SLC37A1: variants seen among roughly 807,000 people sequenced by gnomAD.
The protein encoded by SLC37A1 is glucose-6-phosphate exchanger SLC37A1.
SLC37A1 carries 49 observed loss-of-function variants against 75.3 expected under a neutral mutation model. That is an observed-to-expected ratio of 0.65 (90% CI 0.52 to 0.83). SLC37A1 has a LOEUF of 0.83. Among genes scored for constraint, SLC37A1 ranks in the 40% least tolerant of loss-of-function variants. SLC37A1 has a pLI of 0.00. For missense variants in SLC37A1, 566 were observed against 695.0 expected, an observed-to-expected ratio of 0.81 and a Z score of 2.09; for synonymous variants, 268 against 292.1, an observed-to-expected ratio of 0.92 and a Z score of 0.84.
At chr21:42,522,227 G>A (rs1479957975) in intron 2 of SLC37A1, among the ~76,000 whole-genome samples, 1 of 152,206 alleles carries the variant, frequency 6.6e-6, no homozygotes, top group African/African-American at 2.4e-5. Context: ...CTGAGGTTTT[G>A]GGTGGACATG....
chr21:42,509,871 A>G (rs890678193), upstream of SLC37A1, among the ~76,000 whole-genome samples: 1 of 152,148 alleles, frequency 6.6e-6, no homozygotes. The surrounding 1 kb of genome is among the most constrained non-coding windows in gnomAD (Gnocchi z 4.2). Flanking sequence ...CTTTCTAAGC[A>G]TGAGGTATTT....
Position 42,514,666 on chromosome 21 carries a change from C to G in SLC37A1, c.-230C>G, listed in dbSNP as rs2054487440. ...GCCGGAAAGTCCCCTCGCCGCTGGC[C>G]ACCAGCCTTCCAGCCCTTACGGCCC... On this transcript the variant is annotated 5_prime_UTR_variant, in exon 1 of 20. Transcript: ENST00000352133. This position sits in a 1 kb window ranked among gnomAD's most constrained non-coding sequence, Gnocchi z 4.8. 1 of 152,380 alleles carries G rather than the reference C, an allele frequency of 6.6e-6. No homozygotes were observed. Among genetic ancestry groups the G allele is most frequent in the Non-Finnish European group, 1.5e-5 (1 of 68,154 alleles). The allele number at this position is 152,380 out of a possible 1,614,324, so 9.4% of individuals were successfully genotyped here.
At position 42,552,502 on chromosome 21, in the gene SLC37A1, A is replaced by C. The variant is rs566394915; in HGVS notation, c.769-1560A>C. The stretch of plus-strand genomic sequence containing the variant: ...TTCCCCTGTGCATGGCTTCATGCCA[A>C]AGGTGATATATTCCAACCAATTAGA... On this transcript the variant is annotated intron_variant, in intron 9 of 19. Transcript: ENST00000352133. This position sits in a 1 kb window ranked among gnomAD's most constrained non-coding sequence, Gnocchi z 4.2. 2.0e-5 allele frequency among the ~76,000 whole-genome samples: 3 copies of C among 152,194 alleles called. No homozygotes were observed. Among genetic ancestry groups the C allele is most frequent in the Admixed American group, 1.3e-4 (2 of 15,282 alleles).
exon 1 of SLC37A1, chr21:42,499,641 CGCGCA>C (rs2054322902): frequency 6.6e-6 from 1 of 152,238 alleles, no homozygotes; most frequent in Non-Finnish European, 1.5e-5. Flanking sequence ...GTGGGAAGTT[CGCGCA>C]AGTGCGGCTC....
At chr21:42,524,743 T>C (rs1476237163) in intron 2 of SLC37A1, among the ~76,000 whole-genome samples, 1 of 152,196 alleles carries the variant, frequency 6.6e-6, no homozygotes, top group Admixed American at 6.5e-5. Flanking sequence ...TTTAAATAGA[T>C]GAATGCTTTT....
At chr21:42,576,223 G>A (rs1045780205) in intron 18 of SLC37A1, among the ~76,000 whole-genome samples, 3 of 152,042 alleles carry the variant, frequency 2.0e-5, no homozygotes, top group African/African-American at 7.3e-5. Flanking sequence ...CATGCTTGCA[G>A]TGAAAGAGTA....
At position 42,525,806 on chromosome 21, in the gene SLC37A1, T is replaced by G; in HGVS notation, c.87T>G (p.Phe29Leu). Reference sequence around the variant, plus strand: ...GAGCCTTCATTTTTATTTTGACATTTCTGCTGTATGCAAGTTTTCACTTAT... The same window carrying G: ...GAGCCTTCATTTTTATTTTGACATTGCTGCTGTATGCAAGTTTTCACTTAT... ...WYRAFIFILTFLLYASFHLSR... is the reference protein window; with the variant it reads ...WYRAFIFILTLLLYASFHLSR... The change falls in exon 3 of 20, where the codon TTT (phenylalanine) becomes TTG (leucine). Residue 29 changes from phenylalanine to leucine, a missense_variant. Transcript: ENST00000352133. 6.2e-7 allele frequency: 1 copy of G among 1,614,188 alleles called. No homozygotes were observed. The highest frequency in any genetic ancestry group is 8.5e-7 in the Non-Finnish European group (1 of 1,180,014).
intron 10 of SLC37A1, among the ~76,000 whole-genome samples, chr21:42,557,558 C>A (rs1311769603): frequency 6.6e-6 from 1 of 152,258 alleles, no homozygotes. Context: ...ATGTGAATAT[C>A]TTCATCAGAG....
chr21:42,545,435 C>T lies in SLC37A1; in HGVS notation c.731-1668C>T, dbSNP rs2055383744. On this transcript the variant is annotated intron_variant, in intron 8 of 19. Transcript: ENST00000352133. The surrounding 1 kb of genome is among the most constrained non-coding windows in gnomAD (Gnocchi z 4.0). ...CCCCTCCTTGTCCCGAATCACTGAT[C>T]CTGGGCAGGTACTAAAGGCATCAGA... 1.3e-5 allele frequency among the ~76,000 whole-genome samples: 2 copies of T among 152,178 alleles called. No individual in the cohort carries two copies. The highest frequency in any genetic ancestry group is 2.9e-5 in the Non-Finnish European group (2 of 68,018).
intron 18 of SLC37A1, chr21:42,575,518 A>G: frequency 7.1e-6 from 7 of 985,326 alleles, no homozygotes; most frequent in Non-Finnish European, 8.4e-6. Flanking sequence ...TCCTGTGTTG[A>G]GAAAGTTTGA....
intron 3 of SLC37A1, among the ~76,000 whole-genome samples, chr21:42,529,825 A>G (rs1329971898): frequency 6.6e-6 from 1 of 151,814 alleles, no homozygotes; most frequent in Admixed American, 6.6e-5. Context: ...CCAGGGCAGT[A>G]AGCGCTATTC....
intron 1 of SLC37A1, among the ~76,000 whole-genome samples, chr21:42,515,183 A>G (rs1242887062): frequency 6.6e-6 from 1 of 152,046 alleles, no homozygotes; most frequent in Non-Finnish European, 1.5e-5. Context: ...GATAGTGACC[A>G]TTTTCATTCA....
At chr21:42,502,559 T>C (rs2054349733) in intron 2 of SLC37A1, 1 of 152,236 alleles carries the variant, frequency 6.6e-6, no homozygotes, top group African/African-American at 2.4e-5. Flanking sequence ...TGATAACCCT[T>C]GTTAATTATT....
intron 3 of SLC37A1, among the ~76,000 whole-genome samples, chr21:42,532,021 T>G (rs978104697): frequency 1.3e-5 from 2 of 152,156 alleles, no homozygotes; most frequent in African/African-American, 4.8e-5. Flanking sequence ...ATGGTCCATC[T>G]TTATAGTAAT....
intron 18 of SLC37A1, among the ~76,000 whole-genome samples, chr21:42,577,579 G>A (rs564992174): frequency 3.9e-5 from 6 of 152,344 alleles, no homozygotes; most frequent in East Asian, 1.9e-4. Flanking sequence ...GCAATAGAAT[G>A]TGTAACCTTC....
chr21:42,507,023 C>T (rs537365036), intron 2 of SLC37A1, among the ~76,000 whole-genome samples: 14 of 152,268 alleles, frequency 9.2e-5, no homozygotes, highest in Admixed American at 8.5e-4. Flanking sequence ...GCTGGGATTA[C>T]AGGCACATGC....
rs1336693004 is a variant in SLC37A1 at position 42,550,471 on chromosome 21, C to G, written c.768+3331C>G. Among the ~76,000 whole-genome samples the G allele has an allele frequency of 3.9e-5, 6 of 152,290 alleles. No homozygotes were observed. In the East Asian group the frequency reaches 1.2e-3, roughly 29 times the overall value. ...AAATTGTTAATTTAAAAACTTCACT[C>G]AAAGAAAATCCCAGGACCAGATGGC... On this transcript the variant is annotated intron_variant, in intron 9 of 19. Transcript: ENST00000352133.
chr21:42,578,064 C>CT (rs2056344241), intron 18 of SLC37A1, among the ~76,000 whole-genome samples: 1 of 152,206 alleles, frequency 6.6e-6, no homozygotes, highest in Non-Finnish European at 1.5e-5. Context: ...GATCAACATG[C>CT]TTTTTGGTAT....
chr21:42,500,260 C>G (rs1016126593), intron 1 of SLC37A1, among the ~76,000 whole-genome samples: 1 of 152,128 alleles, frequency 6.6e-6, no homozygotes, highest in African/African-American at 2.4e-5. Flanking sequence ...TATTTATAAA[C>G]AAACATATTA....
Sources: gnomAD v4.1 joint callset for allele counts (sites outside exome capture counted in the v4.1 genomes callset) on GRCh38, gnomAD v4.1.1 for gene constraint, Gnocchi (gnomAD v3.1) non-coding constraint, MANE v1.5 for transcripts, NCBI Gene and HGNC (gene_info 2026-07-23, HGNC 2026-07-21) for gene names.